MACF1: variants seen among roughly 807,000 people sequenced by gnomAD.
The protein encoded by MACF1 is microtubule-actin cross-linking factor 1.
A neutral mutation model predicts 854.8 loss-of-function variants in MACF1; 193 were observed. The observed-to-expected ratio is 0.23, with a 90% confidence interval of 0.20 to 0.25. The LOEUF is 0.25. Among genes scored for constraint, MACF1 ranks in the 10% least tolerant of loss-of-function variants. MACF1 has a pLI of 1.00. For missense variants in MACF1, 7,722 were observed against 8,929.1 expected (o/e 0.86, Z 5.45); for synonymous variants, 3,185 against 3,226.7 (o/e 0.99, Z 0.44).
chr1:39,403,262 C>T (rs2148596034), intron 58 of MACF1, among the ~76,000 whole-genome samples: 1 of 152,206 alleles, frequency 6.6e-6, no homozygotes, highest in East Asian at 1.9e-4. Context: ...CCACACATGG[C>T]TAATTTTTGT....
At chr1:39,286,225 G>T (rs1645638308) in intron 14 of MACF1, among the ~76,000 whole-genome samples, 1 of 151,838 alleles carries the variant, frequency 6.6e-6, no homozygotes, top group Non-Finnish European at 1.5e-5. Context: ...TTTTGCCCAG[G>T]CTGATCTCAA....
chr1:39,335,278 T>C lies in MACF1; in HGVS notation c.8690T>C (p.Val2897Ala). The C allele has an allele frequency of 6.2e-7, 1 of 1,614,048 alleles. No individual in the cohort carries two copies. Among genetic ancestry groups the C allele is most frequent in the Non-Finnish European group, 8.5e-7 (1 of 1,179,964 alleles). Residue 2897 changes from valine to alanine, a missense_variant, in exon 37 of 101, where the codon GTG (valine) becomes GCG (alanine). Physicochemically the swap from Val to Ala is moderately conservative, Grantham distance 64. This residue lies in a region of MACF1 where 854 missense variants were observed against 852.6 expected (regional missense o/e 1.00). Coordinates refer to ENST00000564288, the MANE Select transcript of MACF1 (RefSeq NM_001394062.1). ...GAATGTGATTTTAAACTTAAAGAAG[T>C]GGCTAGAAATAACATGGGAAATGAT... ...YSECDFKLKE[V>A]ARNNMGNDTN...
At chr1:39,147,758 A>C (rs1571100906) in intron 2 of MACF1, among the ~76,000 whole-genome samples, 1 of 152,052 alleles carries the variant, frequency 6.6e-6, no homozygotes, top group East Asian at 1.9e-4. Context: ...GAGCCACCCC[A>C]CTTGGCCCTA....
chr1:39,288,379 T>C (rs1645691817), intron 15 of MACF1, among the ~76,000 whole-genome samples: 1 of 151,812 alleles, frequency 6.6e-6, no homozygotes, highest in South Asian at 2.1e-4. Flanking sequence ...GCGCCTGTAG[T>C]CCCAGCTACT....
At chr1:39,429,410 C>A in intron 64 of MACF1, 84 bp downstream of exon 64, 1 of 780,604 alleles carries the variant, frequency 1.3e-6, no homozygotes, top group Non-Finnish European at 2.2e-6. Flanking sequence ...CTGCCTTAGC[C>A]TCTTCTTTAT....
In MACF1 at chr1:39,340,863, G is replaced by T. The variant is rs767872120; in HGVS notation, c.10491G>T (p.Trp3497Cys). Residue 3497 changes from tryptophan to cysteine, a missense_variant, in exon 40 of 101, where the codon TGG (tryptophan) becomes TGT (cysteine). Physicochemically the swap from Trp to Cys is radical, Grantham distance 215. Coordinates refer to ENST00000564288, the MANE Select transcript of MACF1 (RefSeq NM_001394062.1). ...GCCGACTTCAAGATCTGAGAGCCTGGGTTGGCAATAAAAATCTTATTCTGA... is the reference window on the plus strand; with the variant it reads ...GCCGACTTCAAGATCTGAGAGCCTGTGTTGGCAATAAAAATCTTATTCTGA... ...LEGRLQDLRAWVGNKNLILNS... is the reference protein window; with the variant it reads ...LEGRLQDLRACVGNKNLILNS... 2 of 1,613,990 alleles carry T rather than the reference G, an allele frequency of 1.2e-6. No homozygotes were observed. The highest frequency in any genetic ancestry group is 1.1e-5 in the South Asian group (1 of 91,034).
chr1:39,224,981 T>A (rs1347608663), intron 1 of MACF1, among the ~76,000 whole-genome samples: 3 of 152,006 alleles, frequency 2.0e-5, no homozygotes, highest in African/African-American at 7.2e-5. Flanking sequence ...GGCCAGGAGT[T>A]TGAGATCAGC....
In MACF1 at chr1:39,460,137, G is replaced by A. The variant is rs371206634; in HGVS notation, c.21361-495G>A. 6.6e-6 allele frequency among the ~76,000 whole-genome samples: 1 copy of A among 152,286 alleles called. No homozygotes were observed. Among genetic ancestry groups the A allele is most frequent in the East Asian group, 1.9e-4 (1 of 5,188 alleles). ...AGAAACATGCTTGGATACAACATTG[G>A]GTTCCCAATGCTTCCATCCAGAACT... On this transcript the variant is annotated intron_variant, in intron 91 of 100. Transcript: ENST00000564288. This position sits in a 1 kb window ranked among gnomAD's most constrained non-coding sequence, Gnocchi z 4.1.
At chr1:39,244,666 C>T (rs564099384) in intron 2 of MACF1, among the ~76,000 whole-genome samples, 2 of 152,168 alleles carry the variant, frequency 1.3e-5, no homozygotes, top group South Asian at 2.1e-4. Context: ...CCACCCCTGC[C>T]TCCTGGGTTC....
intron 45 of MACF1, 117 bp from the exon 46 acceptor site, chr1:39,358,580 C>A (rs1447298220): frequency 2.2e-6 from 2 of 914,536 alleles, no homozygotes; most frequent in Non-Finnish European, 1.7e-6. Context: ...TCTGGCAATA[C>A]CCTTATCTGA....
At chr1:39,380,922 G>A (rs149243531) in intron 55 of MACF1, among the ~76,000 whole-genome samples, 204 of 151,698 alleles carry the variant, frequency 1.3e-3, no homozygotes, top group African/African-American at 4.7e-3. Context: ...CAAAAAAAAC[G>A]TAACAAAAGA....
At chr1:39,143,537 A>G (rs1404302919) in intron 2 of MACF1, among the ~76,000 whole-genome samples, 2 of 152,162 alleles carry the variant, frequency 1.3e-5, no homozygotes, top group African/African-American at 4.8e-5. Flanking sequence ...TTTGCAGTGA[A>G]AGGAAGTAAA....
In MACF1 at chr1:39,336,162, T is replaced by G; in HGVS notation, c.9574T>G (p.Ser3192Ala). ...TCTTAAATTGGAAGAAATCACAGTT[T>G]CTAGACCAGATTCAAAAGAAGTCAG... ...RGLKLEEITV[S>A]RPDSKEVRYL... is the part of the protein sequence containing the mutation. The change falls in exon 37 of 101, where the codon TCT becomes GCT. Residue 3192 changes from serine (S) to alanine (A), a missense_variant. This residue lies in a region of MACF1 where 854 missense variants were observed against 852.6 expected (regional missense o/e 1.00). Coordinates refer to ENST00000564288, the MANE Select transcript of MACF1 (RefSeq NM_001394062.1). 1.2e-6 allele frequency: 2 copies of G among 1,614,164 alleles called. No individual in the cohort carries two copies. The highest frequency in any genetic ancestry group is 1.7e-6 in the Non-Finnish European group (2 of 1,180,028).
intron 1 of MACF1, among the ~76,000 whole-genome samples, chr1:39,219,129 C>T (rs1644617257): frequency 6.6e-6 from 1 of 152,224 alleles, no homozygotes; most frequent in South Asian, 2.1e-4. Flanking sequence ...ACAGTTGTCA[C>T]TTCCTTAAAA....
intron 5 of MACF1, chr1:39,254,614 A>G (rs1645077920): frequency 4.5e-6 from 2 of 443,230 alleles, no homozygotes; most frequent in Non-Finnish European, 8.0e-6. Flanking sequence ...ACATGATGAT[A>G]AAGATGGAAT....
intron 2 of MACF1, among the ~76,000 whole-genome samples, chr1:39,185,979 C>G (rs1399381331): frequency 6.6e-6 from 1 of 152,094 alleles, no homozygotes; most frequent in Non-Finnish European, 1.5e-5. Context: ...CCACCTGACT[C>G]GTTGTCAGAT....
In MACF1 at chr1:39,336,135, G is replaced by C. The variant is rs780038083; in HGVS notation, c.9547G>C (p.Gly3183Arg). ...AGAAGTATCTTTTGACCCAGCAAGA[G>C]GTCTTAAATTGGAAGAAATCACAGT... is the stretch of plus-strand genomic sequence containing the variant. ...YQEVSFDPAR[G>R]LKLEEITVSR... The change falls in exon 37 of 101, where the codon GGT (glycine) becomes CGT (arginine). Residue 3183 changes from glycine (G) to arginine (R), a missense_variant. Around this residue, in one of 15 missense-constraint regions of MACF1, gnomAD observed 854 missense variants for 852.6 expected, o/e 1.00. Transcript: ENST00000564288. The C allele has an allele frequency of 6.2e-7, 1 of 1,613,998 alleles. No homozygotes were observed. The highest frequency in any genetic ancestry group is 1.7e-5 in the Admixed American group (1 of 59,990).
At chr1:39,453,900 T>A in intron 88 of MACF1, 50 bp downstream of exon 88, 1 of 1,528,508 alleles carries the variant, frequency 6.5e-7, no homozygotes, top group Non-Finnish European at 8.9e-7. Flanking sequence ...AAACTATCAC[T>A]ATAGTATAGT....
chr1:39,384,876 A>T (rs1269503171), intron 56 of MACF1, among the ~76,000 whole-genome samples: 1 of 152,230 alleles, frequency 6.6e-6, no homozygotes, highest in African/African-American at 2.4e-5. Flanking sequence ...ACTGACATTG[A>T]AACAGAATGG....
Sources: allele counts gnomAD v4.1 joint callset (sites outside exome capture counted in the v4.1 genomes callset), GRCh38; gene constraint gnomAD v4.1.1; regional missense constraint gnomAD v4.1.1; non-coding constraint Gnocchi (gnomAD v3.1); transcripts MANE v1.5; gene names NCBI Gene and HGNC (gene_info 2026-07-23, HGNC 2026-07-21).